AR: variants seen among roughly 807,000 people sequenced by gnomAD.
AR encodes dihydrotestosterone receptor.
AR carries 8 observed loss-of-function variants against 53.9 expected under a neutral mutation model. The ratio of observed to expected loss-of-function variants is 0.15; its 90% CI spans 0.09 to 0.27. The LOEUF is 0.27. AR is among the 10% of genes least tolerant of loss of function. The probability of loss-of-function intolerance (pLI) is 1.00; values close to 1 mark genes in which losing one functional copy is unlikely to be tolerated. For missense variants in AR, 639 were observed against 742.5 expected, an observed-to-expected ratio of 0.86 and a Z score of 1.62; for synonymous variants, 359 against 316.4, an observed-to-expected ratio of 1.13 and a Z score of -1.43.
chrX:67,716,156 C>CTAAG (rs1377593238), intron 4 of AR, among the ~76,000 whole-genome samples: 1 of 112,014 alleles, frequency 8.9e-6, no homozygotes, highest in Non-Finnish European at 1.9e-5. Flanking sequence ...GTGGACTGTA[C>CTAAG]TAAGTACTAG....
At chrX:67,622,723 A>G (rs1924439073) in intron 1 of AR, among the ~76,000 whole-genome samples, 1 of 111,872 alleles carries the variant, frequency 8.9e-6, no homozygotes, top group Non-Finnish European at 1.9e-5. Context: ...ATGAATATGT[A>G]AAATATTTAG....
intron 1 of AR, among the ~76,000 whole-genome samples, chrX:67,619,996 T>A (rs1229212674): frequency 9.0e-6 from 1 of 110,965 alleles, no homozygotes; most frequent in Non-Finnish European, 1.9e-5. Flanking sequence ...CTGTTCTTGG[T>A]GAGTATCTCA....
At chrX:67,565,898 G>T (rs1418650507) in intron 1 of AR, among the ~76,000 whole-genome samples, 1 of 111,438 alleles carries the variant, frequency 9.0e-6, no homozygotes, top group Non-Finnish European at 1.9e-5. Flanking sequence ...TTGTCATGTT[G>T]CCCAGGCCGG....
rs1929699223 is a variant in AR, at chrX:67,545,795, G to C, written c.649G>C (p.Ala217Pro). 1 of 1,212,134 alleles carries C rather than the reference G, an allele frequency of 8.2e-7. No individual in the cohort carries two copies. The highest frequency in any genetic ancestry group is 1.1e-6 in the Non-Finnish European group (1 of 895,559). ...SSGRAREASG[A>P]PTSSKDNYLG... is the part of the protein sequence containing the mutation. ...CGGGAGAGCGAGGGAGGCCTCGGGGGCTCCCACTTCCTCCAAGGACAATTA... is the reference window on the plus strand; with the variant it reads ...CGGGAGAGCGAGGGAGGCCTCGGGGCCTCCCACTTCCTCCAAGGACAATTA... Residue 217 changes from alanine to proline, a missense_variant, in exon 1 of 8, where the codon GCT becomes CCT. Coordinates refer to ENST00000374690, the MANE Select transcript of AR (RefSeq NM_000044.6).
chrX:67,569,549 T>A (rs1379231002), intron 1 of AR, among the ~76,000 whole-genome samples: 2 of 111,773 alleles, frequency 1.8e-5, no homozygotes, highest in African/African-American at 6.5e-5. Context: ...GTCTTTTCTT[T>A]TGTGCTCGTA....
intron 3 of AR, among the ~76,000 whole-genome samples, chrX:67,706,077 T>C (rs1767999014): frequency 8.9e-6 from 1 of 112,133 alleles, no homozygotes; most frequent in Non-Finnish European, 1.9e-5. Flanking sequence ...TTTGCATCGA[T>C]ATTCATCAGG....
rs777399141 is a variant in AR, at chrX:67,661,869, G to T, written c.1768+18462G>T. ...TATTAGTTATATCCTCAATTTCAGAGCCTGTTATTGGTCTATTCAGAGATT... is the reference window on the plus strand; with the variant it reads ...TATTAGTTATATCCTCAATTTCAGATCCTGTTATTGGTCTATTCAGAGATT... On this transcript the variant is annotated intron_variant, in intron 2 of 7. Transcript: ENST00000374690. Among the ~76,000 whole-genome samples the T allele has an allele frequency of 3.6e-5, 4 of 111,418 alleles. No homozygotes were observed. The East Asian group carries it at 8.5e-4, about 24-fold the overall frequency.
intron 3 of AR, among the ~76,000 whole-genome samples, chrX:67,703,296 G>C (rs1045025899): frequency 1.8e-5 from 2 of 111,684 alleles, no homozygotes; most frequent in Admixed American, 1.9e-4. Context: ...CTAGACCTCA[G>C]AATTATGACC....
At chrX:67,715,454 A>G (rs2076109331) in intron 4 of AR, among the ~76,000 whole-genome samples, 1 of 111,059 alleles carries the variant, frequency 9.0e-6, no homozygotes, top group African/African-American at 3.3e-5. Context: ...TAGGATCTAA[A>G]AGAAAAGAAC....
intron 2 of AR, among the ~76,000 whole-genome samples, chrX:67,676,078 A>G (rs935921980): frequency 9.8e-5 from 11 of 112,439 alleles, no homozygotes; most frequent in Non-Finnish European, 1.9e-4. Flanking sequence ...TGAAAACACT[A>G]TAGAAAATGA....
intron 2 of AR, among the ~76,000 whole-genome samples, chrX:67,650,904 G>A (rs1250598618): frequency 8.9e-6 from 1 of 111,981 alleles, no homozygotes; most frequent in Admixed American, 9.5e-5. Context: ...CATAAGAACA[G>A]GCCTGGTAGT....
intron 3 of AR, among the ~76,000 whole-genome samples, chrX:67,704,202 A>G (rs1261173890): frequency 4.5e-5 from 5 of 111,755 alleles, no homozygotes; most frequent in Non-Finnish European, 9.4e-5. Flanking sequence ...CTAGTTCTAG[A>G]TCCCTGAGGA....
chrX:67,636,556 C>T (rs994160482), intron 1 of AR, among the ~76,000 whole-genome samples: 3 of 111,559 alleles, frequency 2.7e-5, no homozygotes, highest in African/African-American at 9.8e-5. Context: ...TTTCTCCTGT[C>T]AGTTAATGTT....
Position 67,724,951 on chromosome X carries a change from A to C in AR, c.*1110A>C, listed in dbSNP as rs1178982012. On this transcript the variant is annotated 3_prime_UTR_variant, in exon 8 of 8. Coordinates refer to ENST00000374690, the MANE Select transcript of AR (RefSeq NM_000044.6). The stretch of plus-strand genomic sequence containing the variant: ...GGAGGAGCTGGAGCCAGAGGAGAAG[A>C]AAATGATAGCTTGGCTGTTCTCCTG... 1 of 173,437 alleles carries C rather than the reference A, an allele frequency of 5.8e-6. No homozygotes were observed. Among genetic ancestry groups the C allele is most frequent in the East Asian group, 8.1e-5 (1 of 12,359 alleles). The allele number at this position is 173,437 out of a possible 1,213,427, so 14.3% of individuals were successfully genotyped here.
intron 1 of AR, among the ~76,000 whole-genome samples, chrX:67,587,900 T>C (rs766214516): frequency 9.1e-6 from 1 of 110,475 alleles, no homozygotes; most frequent in African/African-American, 3.3e-5. Context: ...CCCAGTCCTG[T>C]CCCCCGAGAC....
chrX:67,559,288 T>C (rs1016587909), intron 1 of AR, among the ~76,000 whole-genome samples: 2 of 112,077 alleles, frequency 1.8e-5, no homozygotes, highest in Non-Finnish European at 3.8e-5. Flanking sequence ...TCCTCCTCCG[T>C]ATTGTTCTGC....
rs916274899 is a variant in AR at position 67,655,227 on chromosome X, T to C, written c.1768+11820T>C. On this transcript the variant is annotated intron_variant, in intron 2 of 7. Coordinates refer to ENST00000374690, the MANE Select transcript of AR (RefSeq NM_000044.6). ...CCCAGCCAAGAGCCCTCAGGGCCCATCAGTAAGTAGACATCCTGTCCTTGA... is the reference window on the plus strand; with the variant it reads ...CCCAGCCAAGAGCCCTCAGGGCCCACCAGTAAGTAGACATCCTGTCCTTGA... Among the ~76,000 whole-genome samples the C allele has an allele frequency of 5.4e-5, 6 of 110,494 alleles. No individual in the cohort carries two copies. The Admixed American group carries it at 5.8e-4, about 11-fold the overall frequency.
At chrX:67,611,596 G>T (rs1177535509) in intron 1 of AR, among the ~76,000 whole-genome samples, 1 of 111,274 alleles carries the variant, frequency 9.0e-6, no homozygotes, top group East Asian at 2.8e-4. Context: ...TATGACTTTA[G>T]AGTTTGGAGA....
intron 3 of AR, among the ~76,000 whole-genome samples, chrX:67,692,771 G>C (rs774038846): frequency 3.6e-5 from 4 of 112,068 alleles, no homozygotes; most frequent in African/African-American, 1.3e-4. Flanking sequence ...AATGGTCTTT[G>C]TGCTCCCAGT....
Sources: allele counts gnomAD v4.1 joint callset (sites outside exome capture counted in the v4.1 genomes callset), GRCh38; gene constraint gnomAD v4.1.1; transcripts MANE v1.5; gene names NCBI Gene and HGNC (gene_info 2026-07-23, HGNC 2026-07-21).